Variants in ADAMTSL3 observed in about 807,000 individuals in gnomAD.
ADAMTSL3 encodes the protein ADAMTS like 3, also known as ADAMTS-like protein 3.
In ADAMTSL3, 128 loss-of-function variants were observed where a neutral mutation model predicts 201.7. The ratio of observed to expected loss-of-function variants is 0.63; its 90% CI spans 0.55 to 0.73. ADAMTSL3 has a LOEUF of 0.73. Among genes scored for constraint, ADAMTSL3 ranks in the 30% least tolerant of loss-of-function variants. The pLI, the probability that ADAMTSL3 is intolerant of heterozygous loss-of-function variation, is 0.00. For synonymous variants in ADAMTSL3, 738 were observed against 748.4 expected, an observed-to-expected ratio of 0.99 and a Z score of 0.23; for missense variants, 1,990 against 2,119.6, an observed-to-expected ratio of 0.94 and a Z score of 1.20.
intron 6 of ADAMTSL3, among the ~76,000 whole-genome samples, chr15:83,829,217 C>T (rs541274240): frequency 0.012 from 1,876 of 152,234 alleles, 47 homozygotes; most frequent in African/African-American, 0.043. Flanking sequence ...TGTTATTGGT[C>T]TATTCAGAGA....
chr15:83,727,032 C>T (rs2062188175), intron 3 of ADAMTSL3, among the ~76,000 whole-genome samples: 1 of 151,694 alleles, frequency 6.6e-6, no homozygotes, highest in African/African-American at 2.4e-5. Context: ...TGGGCTTTTC[C>T]TTGTTAGGAG....
intron 3 of ADAMTSL3, among the ~76,000 whole-genome samples, chr15:83,759,776 T>G (rs1477691431): frequency 1.3e-5 from 2 of 152,280 alleles, no homozygotes; most frequent in East Asian, 3.9e-4. Context: ...TTGTCCTGCC[T>G]TAGGGCAGCT....
intron 4 of ADAMTSL3, among the ~76,000 whole-genome samples, chr15:83,797,454 A>T (rs558054224): frequency 1.3e-5 from 2 of 152,074 alleles, no homozygotes; most frequent in Non-Finnish European, 2.9e-5. Flanking sequence ...TACAAAAATT[A>T]GCCTGGTGTG....
intron 17 of ADAMTSL3, among the ~76,000 whole-genome samples, chr15:83,937,207 C>T (rs2066476593): frequency 6.6e-6 from 1 of 150,872 alleles, no homozygotes; most frequent in East Asian, 1.9e-4. Context: ...GACACATGCA[C>T]ACGTATGTTC....
At chr15:83,872,682 C>CTTTCTCAGGAAATGCCTGTGAG (rs1555455106) in intron 9 of ADAMTSL3, among the ~76,000 whole-genome samples, 4 of 145,388 alleles carry the variant, frequency 2.8e-5, no homozygotes, top group East Asian at 2.2e-4. Context: ...CTTCTCAAGT[C>CTTTCTCAGGAAATGCCTGTGAG]AACTTGGAGG....
chr15:83,762,338 C>A, intron 3 of ADAMTSL3, among the ~76,000 whole-genome samples: 1 of 152,172 alleles, frequency 6.6e-6, no homozygotes, highest in African/African-American at 2.4e-5. Context: ...CTTCTGTGGA[C>A]ACACTCTGAT....
chr15:83,945,802 C>T (rs1180437763), intron 19 of ADAMTSL3: 2 of 152,188 alleles, frequency 1.3e-5, no homozygotes, highest in African/African-American at 2.4e-5. Context: ...AATCTCAAGT[C>T]CCACCCAGAC....
At chr15:83,835,667 T>C (rs776159070) in intron 6 of ADAMTSL3, among the ~76,000 whole-genome samples, 18 of 152,218 alleles carry the variant, frequency 1.2e-4, no homozygotes, top group Non-Finnish European at 8.8e-5. Context: ...TTAATAGTGG[T>C]ATTACTCCCC....
intron 21 of ADAMTSL3, among the ~76,000 whole-genome samples, chr15:83,986,560 A>AT (rs1419236790): frequency 1.3e-5 from 2 of 152,234 alleles, no homozygotes; most frequent in Middle Eastern, 3.4e-3. Context: ...TTTCATTTCT[A>AT]TTTTTCCTCC....
chr15:83,787,340 A>G (rs1317392964), intron 4 of ADAMTSL3, among the ~76,000 whole-genome samples: 2 of 152,186 alleles, frequency 1.3e-5, no homozygotes, highest in East Asian at 3.9e-4. Flanking sequence ...GATGTATGGT[A>G]TAAATTTAAT....
At chr15:83,888,320 A>G (rs1314662815) in intron 10 of ADAMTSL3, among the ~76,000 whole-genome samples, 2 of 152,244 alleles carry the variant, frequency 1.3e-5, no homozygotes, top group African/African-American at 4.8e-5. Flanking sequence ...ACAAAAGAGG[A>G]AAATTAATTG....
chr15:83,708,975 T>C (rs1419339031), intron 3 of ADAMTSL3, among the ~76,000 whole-genome samples: 1 of 152,212 alleles, frequency 6.6e-6, no homozygotes, highest in African/African-American at 2.4e-5. Flanking sequence ...CCCAAGGCTC[T>C]CCTGCTCTGA....
intron 10 of ADAMTSL3, 39 bp from the exon 11 acceptor site, chr15:83,890,070 C>T (rs376272230): frequency 4.3e-5 from 67 of 1,566,898 alleles, no homozygotes; most frequent in Middle Eastern, 3.5e-4. Context: ...AAAAATGAAA[C>T]GGATGCAATA....
chr15:83,985,386 A>G (rs908678706), intron 21 of ADAMTSL3, among the ~76,000 whole-genome samples: 2 of 151,332 alleles, frequency 1.3e-5, no homozygotes, highest in Non-Finnish European at 3.0e-5. Flanking sequence ...TTTAAAAAAT[A>G]TATATATATA....
chr15:83,807,172 A>G lies in ADAMTSL3; in HGVS notation c.363+2477A>G, dbSNP rs144324181. ...TTGCATTAAAAATTATAAAGCATTA[A>G]TGGCCGGGCATGGTGGCTCACGCCT... On this transcript the variant is annotated intron_variant, in intron 5 of 29. Transcript: ENST00000286744. 2.8e-3 allele frequency among the ~76,000 whole-genome samples: 420 copies of G among 152,234 alleles called. 2 individuals carry two copies. The highest frequency in any genetic ancestry group is 0.014 in the Middle Eastern group (4 of 294).
rs1287074285 is a variant in ADAMTSL3 at position 83,704,012 on chromosome 15, A to AC, written c.70-377_70-376insC. On this transcript the variant is annotated intron_variant, in intron 2 of 29. Coordinates refer to ENST00000286744, the MANE Select transcript of ADAMTSL3 (RefSeq NM_207517.3). Reference sequence around the variant, plus strand: ...TTTCTCACTCCTTTGCCAAAAAAAAAAAAAAACACAAAAGGAAGAAGAAAA... The same window carrying AC: ...TTTCTCACTCCTTTGCCAAAAAAAAACAAAAAACACAAAAGGAAGAAGAAAA... Among the ~76,000 whole-genome samples, 583 of 151,520 alleles carry AC rather than the reference A, an allele frequency of 3.8e-3. 12 individuals carry two copies. The highest frequency in any genetic ancestry group is 0.013 in the African/African-American group (542 of 41,322).
chr15:83,730,055 TA>T (rs2062240917), intron 3 of ADAMTSL3, among the ~76,000 whole-genome samples: 1 of 152,052 alleles, frequency 6.6e-6, no homozygotes, highest in African/African-American at 2.4e-5. Context: ...CCACTGGGTA[TA>T]AAAACCATAC....
intron 16 of ADAMTSL3, among the ~76,000 whole-genome samples, chr15:83,915,432 C>T (rs1880730): frequency 0.63 from 95,106 of 151,720 alleles, 30,901 homozygotes; most frequent in African/African-American, 0.79. Context: ...CTTGTGTTCT[C>T]AGTACCCACT....
At chr15:83,676,449 TG>T (rs2061406705) in intron 2 of ADAMTSL3, among the ~76,000 whole-genome samples, 1 of 151,978 alleles carries the variant, frequency 6.6e-6, no homozygotes, top group Non-Finnish European at 1.5e-5. Context: ...GAGGCTGAGG[TG>T]GGCGGATCAT....
Sources: gnomAD v4.1 joint callset for allele counts (sites outside exome capture counted in the v4.1 genomes callset) on GRCh38, gnomAD v4.1.1 for gene constraint, MANE v1.5 for transcripts, NCBI Gene and HGNC (gene_info 2026-07-23, HGNC 2026-07-21) for gene names.